Variants in PTPRJ observed in about 807,000 individuals in gnomAD.
The protein encoded by PTPRJ is protein tyrosine phosphatase receptor type J, also known as receptor-type tyrosine-protein phosphatase eta.
Under a neutral mutation model 141.3 loss-of-function variants are expected in PTPRJ, and 129 were observed. That is an observed-to-expected ratio of 0.91 (90% confidence interval 0.79 to 1.06). PTPRJ has a LOEUF of 1.06. Among genes scored for constraint, PTPRJ ranks in the 50% least tolerant of loss-of-function variants. The pLI is 0.00. For synonymous variants in PTPRJ, 610 were observed against 640.5 expected, an observed-to-expected ratio of 0.95 and a Z score of 0.72; for missense variants, 1,601 against 1,679.7, an observed-to-expected ratio of 0.95 and a Z score of 0.82.
At position 47,980,938 on chromosome 11, in the gene PTPRJ, G is replaced by A. The variant is rs962784262; in HGVS notation, c.26G>A (p.Arg9Gln). 37 of 1,191,978 alleles carry A rather than the reference G, an allele frequency of 3.1e-5. No individual in the cohort carries two copies. The highest frequency in any genetic ancestry group is 9.6e-5 in the African/African-American group (6 of 62,552). The allele number at this position is 1,191,978 out of a possible 1,614,324, so 73.8% of individuals were successfully genotyped here. Residue 9 changes from arginine to glutamine, a missense_variant, in exon 1 of 25, where the codon CGG (arginine) becomes CAG (glutamine). By Grantham distance (43) the Arg-to-Gln change is conservative (BLOSUM62 1). Transcript: ENST00000418331. The part of the protein sequence containing the change: MKPAAREA[R>Q]LPPRSPGLRW... The stretch of plus-strand genomic sequence containing the variant: ...ATGAAGCCGGCGGCGCGGGAGGCGC[G>A]GCTGCCTCCGCGCTCGCCCGGGCTG...
intron 1 of PTPRJ, among the ~76,000 whole-genome samples, chr11:48,038,855 A>G (rs1206396122): frequency 6.6e-6 from 1 of 151,742 alleles, no homozygotes; most frequent in African/African-American, 2.4e-5. Context: ...TAAAAAAAAA[A>G]AAAAAAAGAC....
At chr11:48,083,078 C>G (rs1271600933) in intron 1 of PTPRJ, among the ~76,000 whole-genome samples, 1 of 152,194 alleles carries the variant, frequency 6.6e-6, no homozygotes, top group Non-Finnish European at 1.5e-5. Context: ...CTCAGCTCTT[C>G]TAGGGCAGGT....
At chr11:48,067,221 C>T (rs925082218) in intron 1 of PTPRJ, among the ~76,000 whole-genome samples, 1 of 152,204 alleles carries the variant, frequency 6.6e-6, no homozygotes, top group Non-Finnish European at 1.5e-5. Flanking sequence ...AAACTCACCC[C>T]TTCCCTCCAC....
At chr11:47,987,222 AT>A (rs1471322931) in intron 1 of PTPRJ, among the ~76,000 whole-genome samples, 1 of 152,178 alleles carries the variant, frequency 6.6e-6, no homozygotes. Flanking sequence ...AAGAAAAAAA[AT>A]AAAAAATAAT....
intron 1 of PTPRJ, among the ~76,000 whole-genome samples, chr11:48,094,196 C>A (rs1424364730): frequency 6.6e-6 from 1 of 152,184 alleles, no homozygotes; most frequent in African/African-American, 2.4e-5. Flanking sequence ...CAGCAAGGAC[C>A]AAGTACAATG....
chr11:48,053,263 T>TATATATAA (rs1565278422), intron 1 of PTPRJ, among the ~76,000 whole-genome samples: 3 of 79,526 alleles, frequency 3.8e-5, no homozygotes, highest in African/African-American at 2.4e-4. Flanking sequence ...ATATATAATA[T>TATATATAA]ATTATATAAA....
At chr11:48,104,148 C>T (rs1036546267) in intron 1 of PTPRJ, among the ~76,000 whole-genome samples, 1 of 152,192 alleles carries the variant, frequency 6.6e-6, no homozygotes, top group African/African-American at 2.4e-5. Flanking sequence ...CACTGTGCTG[C>T]CTGCTGGCCT....
In PTPRJ at chr11:48,127,782, G is replaced by A. The variant is rs1324478682; in HGVS notation, c.1096G>A (p.Ala366Thr). The part of the protein sequence containing the change: ...QPQAIEFRTN[A>T]IQVFDVTAVN... ...GAACTCCTCTTGTGTTCTCACAGAT[G>A]CTATTCAGGTTTTTGACGTCACCGC... is the stretch of plus-strand genomic sequence containing the variant. Residue 366 changes from alanine to threonine, a missense_variant and splice_region_variant, in exon 7 of 25, where the codon GCT becomes ACT. Coordinates refer to ENST00000418331, the MANE Select transcript of PTPRJ (RefSeq NM_002843.4). 1 of 1,613,778 alleles carries A rather than the reference G, an allele frequency of 6.2e-7. No individual in the cohort carries two copies. The highest frequency in any genetic ancestry group is 8.5e-7 in the Non-Finnish European group (1 of 1,179,842).
chr11:48,114,429 C>CAAAAAAAA (rs71045544), intron 3 of PTPRJ, among the ~76,000 whole-genome samples: 3 of 68,716 alleles, frequency 4.4e-5, no homozygotes, highest in African/African-American at 2.0e-4. Context: ...GACTCTGTCT[C>CAAAAAAAA]AAAAAAAAAA....
intron 1 of PTPRJ, among the ~76,000 whole-genome samples, chr11:47,984,478 C>T (rs929590114): frequency 6.6e-6 from 1 of 152,124 alleles, no homozygotes; most frequent in African/African-American, 2.4e-5. Flanking sequence ...GCATGACAGG[C>T]ACTGTGTGCT....
chr11:48,159,932 C>G lies in PTPRJ; in HGVS notation c.3441C>G (p.Thr1147=). The change falls in exon 22 of 25, where the codon ACC becomes ACG. Residue 1147 remains threonine (T), a splice_region_variant and synonymous_variant. Coordinates refer to ENST00000418331, the MANE Select transcript of PTPRJ (RefSeq NM_002843.4). ...MLTKCVEQGR[T]KCEEYWPSKQ... ...ATAAAAATGCAATTTTGTTCTAGAC[C>G]AAATGTGAGGAGTATTGGCCCTCCA... The G allele has an allele frequency of 6.2e-7, 1 of 1,613,582 alleles. No homozygotes were observed. Among genetic ancestry groups the G allele is most frequent in the South Asian group, 1.1e-5 (1 of 91,012 alleles).
At chr11:48,072,700 G>A (rs1590467628) in intron 1 of PTPRJ, among the ~76,000 whole-genome samples, 2 of 152,180 alleles carry the variant, frequency 1.3e-5, no homozygotes, top group African/African-American at 4.8e-5. Flanking sequence ...CAACGCCAGT[G>A]ATCTGTTTTT....
At chr11:47,993,868 G>T (rs1367137134) in intron 1 of PTPRJ, among the ~76,000 whole-genome samples, 1 of 146,648 alleles carries the variant, frequency 6.8e-6, no homozygotes, top group Admixed American at 6.9e-5. Flanking sequence ...TCGCTCTGTT[G>T]CCCAGGCTGG....
At chr11:48,096,287 G>T (rs1357339326) in intron 1 of PTPRJ, among the ~76,000 whole-genome samples, 2 of 152,188 alleles carry the variant, frequency 1.3e-5, no homozygotes, top group African/African-American at 4.8e-5. Flanking sequence ...GTGGGGCAGA[G>T]GATTGTTCTT....
intron 1 of PTPRJ, among the ~76,000 whole-genome samples, chr11:48,105,566 A>G (rs1856267336): frequency 6.6e-6 from 1 of 152,182 alleles, no homozygotes; most frequent in East Asian, 1.9e-4. Context: ...TGTATTGCAA[A>G]TGCCCCTGCG....
chr11:47,996,905 C>T (rs558540164), intron 1 of PTPRJ, among the ~76,000 whole-genome samples: 1 of 152,228 alleles, frequency 6.6e-6, no homozygotes, highest in Non-Finnish European at 1.5e-5. Context: ...CCCTCAGCTT[C>T]TATCCGGCCA....
At chr11:48,066,414 T>C (rs1855083214) in intron 1 of PTPRJ, among the ~76,000 whole-genome samples, 1 of 152,068 alleles carries the variant, frequency 6.6e-6, no homozygotes, top group Non-Finnish European at 1.5e-5. Context: ...GGCAGTGGGC[T>C]GAGGTTCAGG....
chr11:48,147,254 G>C (rs1245855676), intron 15 of PTPRJ, among the ~76,000 whole-genome samples: 1 of 152,194 alleles, frequency 6.6e-6, no homozygotes, highest in African/African-American at 2.4e-5. Flanking sequence ...ATGATGTTAA[G>C]AGATTTCATT....
rs1186446423 is a variant in PTPRJ, at chr11:47,980,976, C to T, written c.64C>T (p.Pro22Ser). 18 of 1,213,420 alleles carry T rather than the reference C, an allele frequency of 1.5e-5. No individual in the cohort carries two copies. In the Admixed American group the frequency reaches 3.5e-4, roughly 24 times the overall value. The allele number at this position is 1,213,420 out of a possible 1,614,324, so 75.2% of individuals were successfully genotyped here. The change falls in exon 1 of 25, where the codon CCG (proline) becomes TCG (serine). Residue 22 changes from proline (P) to serine (S), a missense_variant. By Grantham distance (74) the Pro-to-Ser change is moderately conservative (BLOSUM62 -1). Coordinates refer to ENST00000418331, the MANE Select transcript of PTPRJ (RefSeq NM_002843.4). ...CTCGCCCGGGCTGCGCTGGGCGCTG[C>T]CGCTGCTGCTGCTGCTGCTGCGCCT... ...PRSPGLRWAL[P>S]LLLLLLRLGQ...
Sources: allele counts gnomAD v4.1 joint callset (sites outside exome capture counted in the v4.1 genomes callset), GRCh38; gene constraint gnomAD v4.1.1; transcripts MANE v1.5; gene names NCBI Gene and HGNC (gene_info 2026-07-23, HGNC 2026-07-21).